Variants in DAB1 observed in about 807,000 individuals in gnomAD.
DAB1 encodes DAB adaptor protein 1.
DAB1 carries 15 observed loss-of-function variants against 64.6 expected under a neutral mutation model. That is an observed-to-expected ratio of 0.23 (90% CI 0.16 to 0.36). The LOEUF (loss-of-function observed/expected upper bound fraction) is 0.36. Ranked by LOEUF, DAB1 falls within the 10% of genes least tolerant of loss-of-function variation. The pLI, the probability that DAB1 is intolerant of heterozygous loss-of-function variation, is 1.00. For synonymous variants in DAB1, 235 were observed against 251.9 expected, an observed-to-expected ratio of 0.93 and a Z score of 0.64; for missense variants, 596 against 706.7, an observed-to-expected ratio of 0.84 and a Z score of 1.78.
intron 2 of DAB1, among the ~76,000 whole-genome samples, chr1:57,271,392 G>C (rs182798867): frequency 1.4e-4 from 22 of 152,330 alleles, no homozygotes; most frequent in Non-Finnish European, 2.9e-4. Context: ...GTTTTGGCAG[G>C]ATGACTGCTT....
At chr1:58,466,472 G>A (rs1413705834) in intron 3 of DAB1, among the ~76,000 whole-genome samples, 5 of 152,096 alleles carry the variant, frequency 3.3e-5, no homozygotes, top group Non-Finnish European at 1.5e-5. Flanking sequence ...GTAGGTCTGT[G>A]TGGAAGCAAT....
At chr1:57,705,874 G>T (rs961682106) in intron 6 of DAB1, among the ~76,000 whole-genome samples, 9 of 144,794 alleles carry the variant, frequency 6.2e-5, no homozygotes, top group Admixed American at 1.4e-4. Flanking sequence ...CAATACTAGG[G>T]TTTTTTTTTT....
intron 1 of DAB1, among the ~76,000 whole-genome samples, chr1:57,343,376 C>A (rs1452543527): frequency 6.6e-6 from 1 of 152,214 alleles, no homozygotes; most frequent in Non-Finnish European, 1.5e-5. Context: ...CTCAGGAGCC[C>A]AGCTGGCTTC....
intron 5 of DAB1, among the ~76,000 whole-genome samples, chr1:58,042,826 C>A (rs1647157483): frequency 6.6e-6 from 1 of 152,096 alleles, no homozygotes; most frequent in South Asian, 2.1e-4. Flanking sequence ...CAAGGGGCAC[C>A]ACAGACAGAT....
intron 5 of DAB1, among the ~76,000 whole-genome samples, chr1:57,989,619 T>C (rs1477583197): frequency 6.6e-6 from 1 of 152,182 alleles, no homozygotes; most frequent in African/African-American, 2.4e-5. Flanking sequence ...GATATCCATT[T>C]TTAATATAGG....
rs1272180445 is a variant in DAB1 at position 57,382,746 on chromosome 1, C to T, written c.-137+41184G>A. Among the ~76,000 whole-genome samples the T allele has an allele frequency of 2.6e-5, 4 of 152,070 alleles. No homozygotes were observed. The South Asian group carries it at 6.2e-4, about 24-fold the overall frequency. ...TCAGCTTTTAGAGATTCAGATGGTT[C>T]GATTGGTCCACCTTGATAATCCAAG... On this transcript the variant is annotated intron_variant, in intron 1 of 14. Transcript: ENST00000371236.
intron 6 of DAB1, among the ~76,000 whole-genome samples, chr1:57,798,074 G>A (rs1442229126): frequency 2.0e-5 from 3 of 152,128 alleles, no homozygotes; most frequent in African/African-American, 7.2e-5. Context: ...GAAAATCAGG[G>A]CATGAGGTGG....
intron 7 of DAB1, among the ~76,000 whole-genome samples, chr1:57,469,790 A>C (rs918211253): frequency 6.6e-6 from 1 of 152,210 alleles, no homozygotes; most frequent in African/African-American, 2.4e-5. Flanking sequence ...TATTTTGTAA[A>C]AAAGAAGATT....
intron 7 of DAB1, among the ~76,000 whole-genome samples, chr1:57,537,093 A>G (rs756258675): frequency 4.6e-5 from 7 of 152,262 alleles, no homozygotes; most frequent in Non-Finnish European, 1.0e-4. Flanking sequence ...AAATGATGTC[A>G]GATAGACTGT....
chr1:57,889,665 T>C (rs889811745), intron 5 of DAB1, among the ~76,000 whole-genome samples: 2 of 152,134 alleles, frequency 1.3e-5, no homozygotes, highest in Admixed American at 1.3e-4. Context: ...AGGGGAGCTA[T>C]GGACAGGCCT....
At chr1:57,925,237 T>C (rs765829061) in intron 5 of DAB1, among the ~76,000 whole-genome samples, 8 of 152,218 alleles carry the variant, frequency 5.3e-5, no homozygotes, top group Non-Finnish European at 8.8e-5. Flanking sequence ...TGTCACTCTC[T>C]AACTTTGTAC....
At chr1:57,841,020 G>T (rs1441104215) in intron 1 of DAB1, among the ~76,000 whole-genome samples, 1 of 152,168 alleles carries the variant, frequency 6.6e-6, no homozygotes, top group South Asian at 2.1e-4. Flanking sequence ...CTGCCTATGA[G>T]CCTGTAAAAT....
intron 6 of DAB1, among the ~76,000 whole-genome samples, chr1:57,678,380 A>G (rs762438998): frequency 9.9e-5 from 15 of 152,234 alleles, no homozygotes; most frequent in Non-Finnish European, 1.3e-4. Context: ...AGTACTAGAA[A>G]GACATTATCT....
intron 3 of DAB1, among the ~76,000 whole-genome samples, chr1:58,471,678 T>A (rs557111216): frequency 6.6e-6 from 1 of 152,280 alleles, no homozygotes; most frequent in African/African-American, 2.4e-5. Flanking sequence ...TTTAGCACTA[T>A]CCCCTCTGTG....
chr1:58,288,019 CAAAAAAAA>C (rs763850453), intron 4 of DAB1, among the ~76,000 whole-genome samples: 9 of 21,978 alleles, frequency 4.1e-4, no homozygotes, highest in South Asian at 2.1e-3. Flanking sequence ...AAGACTGCCT[CAAAAAAAA>C]AAAAAAAAAA....
chr1:57,983,403 C>T (rs947866760), intron 5 of DAB1, among the ~76,000 whole-genome samples: 1 of 152,162 alleles, frequency 6.6e-6, no homozygotes, highest in Non-Finnish European at 1.5e-5. Flanking sequence ...ATCTGGCCAA[C>T]ATTTTCTGGG....
At chr1:58,335,365 C>T (rs1663088326) in intron 4 of DAB1, among the ~76,000 whole-genome samples, 1 of 152,180 alleles carries the variant, frequency 6.6e-6, no homozygotes, top group Non-Finnish European at 1.5e-5. Flanking sequence ...TACAGGACTT[C>T]AGGTTTTACC....
At chr1:57,275,141 A>G (rs1245747594) in intron 2 of DAB1, among the ~76,000 whole-genome samples, 2 of 152,030 alleles carry the variant, frequency 1.3e-5, no homozygotes, top group Non-Finnish European at 2.9e-5. Flanking sequence ...AAAAGGATAG[A>G]GAGAAAAAGA....
At chr1:57,879,243 T>C (rs1354152090) in intron 1 of DAB1, among the ~76,000 whole-genome samples, 2 of 152,138 alleles carry the variant, frequency 1.3e-5, no homozygotes, top group Non-Finnish European at 2.9e-5. Flanking sequence ...TTCTGGCCAA[T>C]GGAATATGGG....
Sources: allele counts gnomAD v4.1 joint callset (sites outside exome capture counted in the v4.1 genomes callset), GRCh38; gene constraint gnomAD v4.1.1; transcripts MANE v1.5; gene names NCBI Gene and HGNC (gene_info 2026-07-23, HGNC 2026-07-21).